The following DPH6 variants were observed in gnomAD, a reference collection of about 807,000 sequenced individuals.
DPH6 encodes diphthamine biosynthesis 6, also known as diphthine--ammonia ligase.
DPH6 carries 33 observed loss-of-function variants against 38.2 expected under a neutral mutation model. The ratio of observed to expected loss-of-function variants is 0.86; its 90% CI spans 0.65 to 1.15. The LOEUF is 1.15. DPH6 is among the 50% of genes most tolerant of loss of function. The pLI, the probability that DPH6 is intolerant of heterozygous loss-of-function variation, is 0.00. For synonymous variants in DPH6, 108 were observed against 103.0 expected (o/e 1.05, Z -0.30); for missense variants, 325 against 320.0 (o/e 1.02, Z -0.12).
intron 6 of DPH6, among the ~76,000 whole-genome samples, chr15:35,397,323 T>C (rs73378712): frequency 0.031 from 4,677 of 152,306 alleles, 243 homozygotes; most frequent in African/African-American, 0.11. Flanking sequence ...ACTCACAATT[T>C]TTAAAAATAT....
At chr15:35,278,525 C>CAGAG (rs1229864886) in intron 3 of DPH6, among the ~76,000 whole-genome samples, 3 of 152,222 alleles carry the variant, frequency 2.0e-5, no homozygotes, top group Non-Finnish European at 4.4e-5. Context: ...AGACCCTATA[C>CAGAG]AGAGTCCCCA....
the DPH6 span, among the ~76,000 whole-genome samples, chr15:35,194,930 T>A: frequency 6.6e-6 from 1 of 152,234 alleles, no homozygotes; most frequent in Admixed American, 6.5e-5. Flanking sequence ...AGCATTTGAA[T>A]TATTTTCTTT....
chr15:35,323,306 A>C (rs1388321378), intron 3 of DPH6, among the ~76,000 whole-genome samples: 2 of 152,146 alleles, frequency 1.3e-5, no homozygotes, highest in Non-Finnish European at 2.9e-5. Flanking sequence ...TTTTGGTTTT[A>C]TGTCTGGCTT....
chr15:35,297,193 T>C (rs2052021360), intron 3 of DPH6, among the ~76,000 whole-genome samples: 1 of 152,188 alleles, frequency 6.6e-6, no homozygotes, highest in African/African-American at 2.4e-5. Flanking sequence ...ATAAAAAAAG[T>C]GCTATAATGA....
chr15:35,376,727 T>C (rs980470179), intron 7 of DPH6, among the ~76,000 whole-genome samples: 2 of 152,142 alleles, frequency 1.3e-5, no homozygotes, highest in Admixed American at 6.5e-5. Flanking sequence ...TTTCTATGCT[T>C]AGATACATTT....
At chr15:35,224,746 T>A (rs1256380448) in intron 3 of DPH6, among the ~76,000 whole-genome samples, 1 of 152,214 alleles carries the variant, frequency 6.6e-6, no homozygotes, top group Non-Finnish European at 1.5e-5. Context: ...ATTGTCAGTG[T>A]TTTGAATTTT....
downstream of DPH6, among the ~76,000 whole-genome samples, chr15:35,370,666 T>G (rs1011111952): frequency 4.6e-5 from 7 of 151,752 alleles, no homozygotes; most frequent in Admixed American, 3.9e-4. Flanking sequence ...ATGGCAAAAG[T>G]CCAAAATTCC....
intron 1 of DPH6, among the ~76,000 whole-genome samples, chr15:35,544,425 A>G (rs1476941581): frequency 2.0e-5 from 3 of 152,180 alleles, no homozygotes. Flanking sequence ...TGGGTGCAGC[A>G]AACCACCGTG....
chr15:35,299,256 A>T, intron 3 of DPH6: 1 of 1,102,432 alleles, frequency 9.1e-7, no homozygotes, highest in Middle Eastern at 2.3e-4. Flanking sequence ...TTGCCCGGTC[A>T]TCTGAGGAGC....
chr15:35,295,752 T>C (rs1364590925), intron 3 of DPH6, among the ~76,000 whole-genome samples: 1 of 152,154 alleles, frequency 6.6e-6, no homozygotes. Flanking sequence ...TAATGAGTTA[T>C]AACCCGTTTT....
chr15:35,384,666 AAAAAT>A (rs1415443912), intron 6 of DPH6, among the ~76,000 whole-genome samples: 1 of 126,622 alleles, frequency 7.9e-6, no homozygotes, highest in Non-Finnish European at 1.6e-5. Context: ...TCTGTCTCAA[AAAAAT>A]AAAAATAAAA....
rs1025983050 is a variant in DPH6, at chr15:35,513,348, A to G, written c.312+24926T>C. Among the ~76,000 whole-genome samples, 4 of 152,040 alleles carry G rather than the reference A, an allele frequency of 2.6e-5. No individual in the cohort carries two copies. The South Asian group carries it at 8.3e-4, about 31-fold the overall frequency. ...GGAAGAACATGGGTGAGTACGCTGT[A>G]AGGTTACAAAGATACAATTCCACTG... On this transcript the variant is annotated intron_variant, in intron 3 of 8. Transcript: ENST00000256538.
At chr15:35,406,784 G>A (rs941188140) in intron 6 of DPH6, among the ~76,000 whole-genome samples, 6 of 151,934 alleles carry the variant, frequency 3.9e-5, no homozygotes, top group Non-Finnish European at 8.8e-5. Flanking sequence ...TGAGGTTGAG[G>A]GGCTTGGGGA....
the DPH6 span, among the ~76,000 whole-genome samples, chr15:35,148,092 T>C: frequency 6.6e-6 from 1 of 152,182 alleles, no homozygotes; most frequent in Non-Finnish European, 1.5e-5. Flanking sequence ...ATTACTGTAA[T>C]GCAATTGTTT....
intron 3 of DPH6, chr15:35,283,076 CTTCTTCTTCCTTCT>C (rs2051912093): frequency 6.1e-6 from 1 of 164,026 alleles, no homozygotes; most frequent in Admixed American, 6.4e-5. Flanking sequence ...TCTTCCTCTT[CTTCTTCTTCCTTCT>C]TTCTTCTTCT....
At chr15:35,476,163 A>T (rs1451067893) in intron 3 of DPH6, among the ~76,000 whole-genome samples, 2 of 151,858 alleles carry the variant, frequency 1.3e-5, no homozygotes. Flanking sequence ...ATCTCATCAT[A>T]AAAAATGCAT....
chr15:35,440,257 G>A (rs952764579), intron 5 of DPH6, among the ~76,000 whole-genome samples: 1 of 152,158 alleles, frequency 6.6e-6, no homozygotes, highest in African/African-American at 2.4e-5. Context: ...ATAAGACAAA[G>A]AGGGCTAACC....
Position 35,299,429 on chromosome 15 carries a change from G to A in DPH6, n.200+74092C>T, listed in dbSNP as rs1335353676. On this transcript the variant is annotated intron_variant and non_coding_transcript_variant, in intron 3 of 3. Coordinates refer to the DPH6 transcript ENST00000560386. ...TTTGAGTCACTGGTTTCCTCTGATC[G>A]TACAGGGACATCTTTTCTTCGGTTT... is the stretch of plus-strand genomic sequence containing the variant. 1.1e-5 allele frequency: 9 copies of A among 783,040 alleles called. No individual in the cohort carries two copies. The East Asian group carries it at 1.2e-4, about 11-fold the overall frequency. The allele number at this position is 783,040 out of a possible 1,614,324, so 48.5% of individuals were successfully genotyped here. A position where few individuals can be genotyped will look rare whatever the true frequency, so the allele number is the denominator to read the frequency against.
At chr15:35,541,119 T>C (rs1305192075) in intron 2 of DPH6, among the ~76,000 whole-genome samples, 1 of 152,106 alleles carries the variant, frequency 6.6e-6, no homozygotes, top group African/African-American at 2.4e-5. Context: ...CTGTTACTCA[T>C]CAATTGCAGC....
Sources: allele counts gnomAD v4.1 joint callset (sites outside exome capture counted in the v4.1 genomes callset), GRCh38; gene constraint gnomAD v4.1.1; transcripts MANE v1.5; gene names NCBI Gene and HGNC (gene_info 2026-07-23, HGNC 2026-07-21).